Variants in FAM13A observed in about 807,000 individuals in gnomAD.
FAM13A encodes family with sequence similarity 13 member A.
A neutral mutation model predicts 129.6 loss-of-function variants in FAM13A; 76 were observed. That is an observed-to-expected ratio of 0.59 (90% CI 0.49 to 0.71). The LOEUF (loss-of-function observed/expected upper bound fraction) is 0.71, where lower values mean the gene tolerates loss of function less well. FAM13A is among the 30% of genes least tolerant of loss of function. The pLI, the probability that FAM13A is intolerant of heterozygous loss-of-function variation, is 0.00. For missense variants in FAM13A, 1,108 were observed against 1,249.3 expected, an observed-to-expected ratio of 0.89 and a Z score of 1.70; for synonymous variants, 443 against 449.9, an observed-to-expected ratio of 0.98 and a Z score of 0.20.
At chr4:88,732,600 ATTCTACTAC>A (rs2149395409) in intron 21 of FAM13A, 1 of 155,168 alleles carries the variant, frequency 6.4e-6, no homozygotes, top group Non-Finnish European at 1.4e-5. Context: ...GCTTGAAAGG[ATTCTACTAC>A]TTGGGTATCT....
intron 7 of FAM13A, among the ~76,000 whole-genome samples, chr4:88,847,720 G>A (rs1319225775): frequency 6.6e-6 from 1 of 152,168 alleles, no homozygotes; most frequent in Non-Finnish European, 1.5e-5. Flanking sequence ...GGTTCAAGAG[G>A]TCAGGAGATT....
At chr4:88,806,353 TTCTC>T (rs1728557023) in intron 7 of FAM13A, among the ~76,000 whole-genome samples, 1 of 152,162 alleles carries the variant, frequency 6.6e-6, no homozygotes, top group African/African-American at 2.4e-5. Context: ...ACCTGCAGCA[TTCTC>T]TTTCTCTCTC....
At chr4:88,804,939 A>C in intron 8 of FAM13A, 72 bp downstream of exon 8, 1 of 815,684 alleles carries the variant, frequency 1.2e-6, no homozygotes. Context: ...GATTAAAATG[A>C]GCAAATAAAC....
chr4:88,961,347 C>CCTT (rs1758576746), intron 4 of FAM13A, among the ~76,000 whole-genome samples: 5 of 55,424 alleles, frequency 9.0e-5, no homozygotes, highest in Non-Finnish European at 1.7e-4. Context: ...TGGAATTTGC[C>CCTT]TTTTTTTTTT....
At chr4:88,969,557 C>G (rs1759800613) in intron 4 of FAM13A, among the ~76,000 whole-genome samples, 1 of 152,146 alleles carries the variant, frequency 6.6e-6, no homozygotes, top group Non-Finnish European at 1.5e-5. Context: ...CTATCATTTT[C>G]CAAAACCACA....
intron 5 of FAM13A, among the ~76,000 whole-genome samples, chr4:88,915,670 T>A (rs1749997157): frequency 6.6e-6 from 1 of 152,168 alleles, no homozygotes; most frequent in Admixed American, 6.5e-5. Context: ...TCAAACTTCA[T>A]TGTCAAGTGC....
chr4:88,919,997 T>C (rs2446299), intron 5 of FAM13A, among the ~76,000 whole-genome samples: 29,145 of 151,974 alleles, frequency 0.19, 2,968 homozygotes, highest in African/African-American at 0.23. Flanking sequence ...GGCTGGGGGA[T>C]GGGCGCCTGC....
intron 6 of FAM13A, among the ~76,000 whole-genome samples, chr4:88,883,383 G>A (rs1250983327): frequency 2.0e-5 from 3 of 151,870 alleles, no homozygotes; most frequent in African/African-American, 7.3e-5. Context: ...GCAAATACAT[G>A]GAAATTTAAC....
At chr4:88,820,907 C>A (rs1437397405) in intron 7 of FAM13A, among the ~76,000 whole-genome samples, 1 of 152,148 alleles carries the variant, frequency 6.6e-6, no homozygotes, top group African/African-American at 2.4e-5. Flanking sequence ...TAAAGCTATT[C>A]TTTTACACAT....
chr4:88,921,165 G>A (rs1751016112), intron 5 of FAM13A, among the ~76,000 whole-genome samples: 1 of 152,176 alleles, frequency 6.6e-6, no homozygotes, highest in South Asian at 2.1e-4. Context: ...AATCTAGCAA[G>A]GCAGGCCAAC....
At chr4:88,798,073 A>G (rs913037433) in intron 8 of FAM13A, among the ~76,000 whole-genome samples, 22 of 152,310 alleles carry the variant, frequency 1.4e-4, no homozygotes, top group East Asian at 7.7e-4. Flanking sequence ...CTTAGTTTAT[A>G]TAATTGTCCA....
chr4:88,947,712 T>G (rs1290340627), intron 4 of FAM13A, among the ~76,000 whole-genome samples: 1 of 151,962 alleles, frequency 6.6e-6, no homozygotes, highest in African/African-American at 2.4e-5. Flanking sequence ...TTCCTCTGCT[T>G]GATTTCCTAG....
intron 7 of FAM13A, among the ~76,000 whole-genome samples, chr4:88,812,351 A>G (rs1161352947): frequency 6.6e-6 from 1 of 151,884 alleles, no homozygotes; most frequent in African/African-American, 2.4e-5. Flanking sequence ...GGGCAATACT[A>G]TTTCCTTGTT....
rs1253009120 is a variant in FAM13A at position 88,726,235 on chromosome 4, A to AAAT, written c.*2295_*2297dup. ...CTGACTGACTAACAAACATTTCTTCAAATAAGATCTAGTGTGAAAAGGGCT... is the reference window on the plus strand; with the variant it reads ...CTGACTGACTAACAAACATTTCTTCAAATAATAAGATCTAGTGTGAAAAGGGCT... On this transcript the variant is annotated 3_prime_UTR_variant, in exon 24 of 24. Transcript: ENST00000264344. 1.1e-4 allele frequency: 17 copies of AAAT among 152,170 alleles called. No individual in the cohort carries two copies. The highest frequency in any genetic ancestry group is 1.0e-3 in the Admixed American group (16 of 15,278). 9.4% of individuals were successfully genotyped at this position (152,170 alleles called of 1,614,324 possible). A position where few individuals can be genotyped will look rare whatever the true frequency, so the allele number is the denominator to read the frequency against.
chr4:88,999,976 C>A (rs950224221), intron 3 of FAM13A, among the ~76,000 whole-genome samples: 1 of 152,050 alleles, frequency 6.6e-6, no homozygotes, highest in Non-Finnish European at 1.5e-5. Flanking sequence ...TATGTCTTTT[C>A]TTCTTCCAAC....
intron 21 of FAM13A, 149 bp from the exon 22 acceptor site, chr4:88,732,347 ATAT>A (rs2149394434): frequency 3.9e-6 from 2 of 516,628 alleles, no homozygotes; most frequent in African/African-American, 1.9e-5. Context: ...CATTACAGAT[ATAT>A]TATTGAACAT....
At chr4:88,907,697 C>T (rs905702424) in intron 5 of FAM13A, among the ~76,000 whole-genome samples, 1 of 152,146 alleles carries the variant, frequency 6.6e-6, no homozygotes, top group African/African-American at 2.4e-5. Context: ...TAAACTTGCC[C>T]AAGGTCACAC....
chr4:88,913,397 AAG>A (rs1749497705), intron 5 of FAM13A, among the ~76,000 whole-genome samples: 1 of 114,834 alleles, frequency 8.7e-6, no homozygotes. Flanking sequence ...GAGGAAGACA[AAG>A]AAGAAGAAGT....
chr4:88,831,258 C>T (rs1733844540), intron 7 of FAM13A, among the ~76,000 whole-genome samples: 3 of 152,298 alleles, frequency 2.0e-5, no homozygotes, highest in South Asian at 4.1e-4. Context: ...TTTCTGTTCT[C>T]ATAAAATAAG....
Sources: allele counts gnomAD v4.1 joint callset (sites outside exome capture counted in the v4.1 genomes callset), GRCh38; gene constraint gnomAD v4.1.1; transcripts MANE v1.5; gene names NCBI Gene and HGNC (gene_info 2026-07-23, HGNC 2026-07-21).